NFIX: variants seen among roughly 807,000 people sequenced by gnomAD.
The protein encoded by NFIX is nuclear factor 1 X-type.
A neutral mutation model predicts 53.3 loss-of-function variants in NFIX; 2 were observed. The ratio of observed to expected loss-of-function variants is 0.04; its 90% CI spans 0.02 to 0.12. The LOEUF (loss-of-function observed/expected upper bound fraction) is 0.12, where lower values mean the gene tolerates loss of function less well. Among genes scored for constraint, NFIX ranks in the 10% least tolerant of loss-of-function variants. The pLI, the probability that NFIX is intolerant of heterozygous loss-of-function variation, is 1.00. For synonymous variants in NFIX, 244 were observed against 289.0 expected, an observed-to-expected ratio of 0.84 and a Z score of 1.58; for missense variants, 310 against 674.5, an observed-to-expected ratio of 0.46 and a Z score of 5.99.
rs966859884 is a variant in NFIX, at chr19:13,012,811, T to C, written c.28-12210T>C. ...TCCCTTCGGAGAGGATCTCTCCGCGTCGCATAGTGAGCGTCGTCATCTCTA... is the reference window on the plus strand; with the variant it reads ...TCCCTTCGGAGAGGATCTCTCCGCGCCGCATAGTGAGCGTCGTCATCTCTA... On this transcript the variant is annotated intron_variant, in intron 1 of 10. Coordinates refer to ENST00000592199, the MANE Select transcript of NFIX (RefSeq NM_001365902.3). The surrounding 1 kb of genome is among the most constrained non-coding windows in gnomAD (Gnocchi z 5.0). 2.6e-5 allele frequency among the ~76,000 whole-genome samples: 4 copies of C among 152,142 alleles called. No individual in the cohort carries two copies. Among genetic ancestry groups the C allele is most frequent in the African/African-American group, 7.2e-5 (3 of 41,422 alleles).
chr19:13,080,114 T>TGAG (rs2017372068), intron 7 of NFIX, among the ~76,000 whole-genome samples: 1 of 152,200 alleles, frequency 6.6e-6, no homozygotes, highest in South Asian at 2.1e-4. Flanking sequence ...GCAGGGCTAG[T>TGAG]GAGGCACTCA....
rs1399879628 is a variant in NFIX, at chr19:12,998,363, T to C, written c.27+2499T>C. ...CCCTTTTCTTTTTTTCAAACCAGAA[T>C]TGGCTTCGATTTTAAAGTCAATAAA... On this transcript the variant is annotated intron_variant, in intron 1 of 10. Transcript: ENST00000592199. This position sits in a 1 kb window ranked among gnomAD's most constrained non-coding sequence, Gnocchi z 4.4. Among the ~76,000 whole-genome samples the C allele has an allele frequency of 6.6e-6, 1 of 152,000 alleles. No homozygotes were observed. Among genetic ancestry groups the C allele is most frequent in the Admixed American group, 6.6e-5 (1 of 15,264 alleles).
At chr19:13,031,724 A>G (rs895671751) in intron 2 of NFIX, among the ~76,000 whole-genome samples, 22 of 152,252 alleles carry the variant, frequency 1.4e-4, no homozygotes, top group East Asian at 3.9e-4. Context: ...TTTGGGGGAT[A>G]GCTCACAGTG....
chr19:13,017,293 T>G (rs2145169550), intron 1 of NFIX, among the ~76,000 whole-genome samples: 1 of 152,314 alleles, frequency 6.6e-6, no homozygotes, highest in East Asian at 1.9e-4. Context: ...GAAATGTGGA[T>G]TCTTGGGTTT....
In NFIX at chr19:13,073,935, T is replaced by C; in HGVS notation, c.727T>C (p.Phe243Leu). 6.2e-7 allele frequency: 1 copy of C among 1,613,924 alleles called. No individual in the cohort carries two copies. The highest frequency in any genetic ancestry group is 8.5e-7 in the Non-Finnish European group (1 of 1,179,862). The stretch of plus-strand genomic sequence containing the variant: ...TGTTGCAACAGCATCAGGGCCCAAC[T>C]TCTCCCTGGCGGACCTGGAGAGTCC... ...TPVATASGPNFSLADLESPSY... is the reference protein window; with the variant it reads ...TPVATASGPNLSLADLESPSY... Residue 243 changes from phenylalanine (F) to leucine (L), a missense_variant, in exon 5 of 11, where the codon TTC (phenylalanine) becomes CTC (leucine). This residue lies in a region of NFIX where 164 missense variants were observed against 284.4 expected (regional missense o/e 0.58). Coordinates refer to ENST00000592199, the MANE Select transcript of NFIX (RefSeq NM_001365902.3). This position sits in a 1 kb window ranked among gnomAD's most constrained non-coding sequence, Gnocchi z 4.5.
At chr19:13,044,560 T>C (rs976489881) in intron 2 of NFIX, among the ~76,000 whole-genome samples, 1 of 151,980 alleles carries the variant, frequency 6.6e-6, no homozygotes, top group Admixed American at 6.6e-5. Context: ...GTAGTAGGAG[T>C]GCAGTGAGTA....
At chr19:13,017,268 G>A (rs191737502) in intron 1 of NFIX, among the ~76,000 whole-genome samples, 56 of 152,294 alleles carry the variant, frequency 3.7e-4, no homozygotes, top group Non-Finnish European at 6.0e-4. Context: ...TTCTCTGCAG[G>A]GGCTAGACAC....
rs1479510107 is a variant in NFIX, at chr19:13,036,172, C to T, written c.559+10620C>T. 6.6e-6 allele frequency among the ~76,000 whole-genome samples: 1 copy of T among 152,138 alleles called. No homozygotes were observed. The highest frequency in any genetic ancestry group is 2.4e-5 in the African/African-American group (1 of 41,436). ...CTGCACCTGGCTTGGCCTCTGGAGT[C>T]GACTTCCCAAGTCTCCTAGGAAGGC... On this transcript the variant is annotated intron_variant, in intron 2 of 10. Transcript: ENST00000592199. The surrounding 1 kb of genome is among the most constrained non-coding windows in gnomAD (Gnocchi z 4.7).
chr19:13,023,330 C>T (rs2013065704), intron 1 of NFIX, among the ~76,000 whole-genome samples: 1 of 151,868 alleles, frequency 6.6e-6, no homozygotes, highest in Non-Finnish European at 1.5e-5. Flanking sequence ...TCTTCCTTTC[C>T]TCCCTCCCTC....
chr19:13,061,295 A>G (rs1375222872), intron 2 of NFIX, among the ~76,000 whole-genome samples: 2 of 152,194 alleles, frequency 1.3e-5, no homozygotes, highest in Admixed American at 1.3e-4. Context: ...ATCAATGCGA[A>G]CGGGAAACTC....
rs1172234296 is a variant in NFIX at position 13,068,513 on chromosome 19, AAG to A, written c.560-4529_560-4528del. Among the ~76,000 whole-genome samples the A allele has an allele frequency of 1.3e-5, 2 of 152,176 alleles. No homozygotes were observed. The highest frequency in any genetic ancestry group is 3.8e-4 in the East Asian group (2 of 5,200). On this transcript the variant is annotated intron_variant, in intron 2 of 10. Transcript: ENST00000592199. This position sits in a 1 kb window ranked among gnomAD's most constrained non-coding sequence, Gnocchi z 4.2. ...AGAGGTTACTGAGGGGCCCCCAAGG[AAG>A]AGAGGGGCCCAGAGTGGCCACTTGG...
chr19:13,019,727 G>GTT lies in NFIX; in HGVS notation c.28-5292_28-5291dup, dbSNP rs201956443. 6.4e-3 allele frequency among the ~76,000 whole-genome samples: 794 copies of GTT among 123,950 alleles called. 10 individuals are homozygous for GTT. Among genetic ancestry groups the GTT allele is most frequent in the African/African-American group, 0.023 (710 of 30,412 alleles). 81.3% of individuals were successfully genotyped at this position (123,950 alleles called of 152,430 possible). On this transcript the variant is annotated intron_variant, in intron 1 of 10. Coordinates refer to ENST00000592199, the MANE Select transcript of NFIX (RefSeq NM_001365902.3). ...ACTGTTGCTGGTTTTTTTTTTGTTTGTTTGTTTTTTTTTTTTTTTTACCAA... is the reference window on the plus strand; with the variant it reads ...ACTGTTGCTGGTTTTTTTTTTGTTTGTTTTTGTTTTTTTTTTTTTTTTACCAA...
chr19:13,059,455 A>G (rs1407256589), intron 2 of NFIX, among the ~76,000 whole-genome samples: 1 of 152,188 alleles, frequency 6.6e-6, no homozygotes, highest in Admixed American at 6.5e-5. Context: ...CCTCCTGAGG[A>G]GGAGGTACCC....
Position 13,025,685 on chromosome 19 carries a change from T to C in NFIX, c.559+133T>C. The C allele has an allele frequency of 2.0e-6, 2 of 995,246 alleles. No homozygotes were observed. The highest frequency in any genetic ancestry group is 2.9e-6 in the Non-Finnish European group (2 of 689,230). The allele number at this position is 995,246 out of a possible 1,614,324, so 61.7% of individuals were successfully genotyped here. On this transcript the variant is annotated intron_variant, in intron 2 of 10. Transcript: ENST00000592199. The surrounding 1 kb of genome is among the most constrained non-coding windows in gnomAD (Gnocchi z 7.5). ...TGGTGTATGCCCGTCCTGCGGGGCC[T>C]GCAACACGGTTCTATGGGCCCTTTT... is the stretch of plus-strand genomic sequence containing the variant.
At chr19:13,091,911 G>C (rs576354225) in intron 10 of NFIX, among the ~76,000 whole-genome samples, 59 of 152,330 alleles carry the variant, frequency 3.9e-4, no homozygotes, top group African/African-American at 1.4e-3. Context: ...TTGCTTGGAC[G>C]TTTGGGGGCC....
intron 2 of NFIX, among the ~76,000 whole-genome samples, chr19:13,063,757 G>C (rs2016236936): frequency 6.6e-6 from 1 of 152,102 alleles, no homozygotes; most frequent in Non-Finnish European, 1.5e-5. Flanking sequence ...CTTGTCCCAG[G>C]CGCATCCCTT....
intron 2 of NFIX, among the ~76,000 whole-genome samples, chr19:13,035,305 G>A (rs2014106660): frequency 6.6e-6 from 1 of 152,168 alleles, no homozygotes; most frequent in South Asian, 2.1e-4. Flanking sequence ...AAGCAGTTTG[G>A]GGGCTTTCCC....
chr19:13,051,825 C>T lies in NFIX; in HGVS notation c.560-21222C>T, dbSNP rs572287156. Among the ~76,000 whole-genome samples, 3 of 152,370 alleles carry T rather than the reference C, an allele frequency of 2.0e-5. No homozygotes were observed. The highest frequency in any genetic ancestry group is 7.2e-5 in the African/African-American group (3 of 41,598). ...CCAGGGGTTAAAGAAACACAACCCG[C>T]CGCTGCCGCCTTAGCAGGTGCCTGG... On this transcript the variant is annotated intron_variant, in intron 2 of 10. Transcript: ENST00000592199. This position sits in a 1 kb window ranked among gnomAD's most constrained non-coding sequence, Gnocchi z 5.1.
rs2018069145 is a variant in NFIX at position 13,090,527 on chromosome 19, C to T, written c.1494+137C>T. 1.2e-5 allele frequency: 10 copies of T among 854,094 alleles called. No individual in the cohort carries two copies. The highest frequency in any genetic ancestry group is 1.1e-4 in the South Asian group (8 of 71,770). 52.9% of individuals were successfully genotyped at this position (854,094 alleles called of 1,614,324 possible). ...GAGGTCTGAGGTGGGGCTGGAGGGC[C>T]CAGGCTTTTGCACGCCCAGCTGAGC... On this transcript the variant is annotated intron_variant, in intron 10 of 10. Transcript: ENST00000592199. The surrounding 1 kb of genome is among the most constrained non-coding windows in gnomAD (Gnocchi z 6.6).
Sources: gnomAD v4.1 joint callset for allele counts (sites outside exome capture counted in the v4.1 genomes callset) on GRCh38, gnomAD v4.1.1 for gene constraint, gnomAD v4.1.1 regional missense constraint, Gnocchi (gnomAD v3.1) non-coding constraint, MANE v1.5 for transcripts, NCBI Gene and HGNC (gene_info 2026-07-23, HGNC 2026-07-21) for gene names.